Variants in ADARB2 observed in about 807,000 individuals in gnomAD.
The protein encoded by ADARB2 is inactive double-stranded RNA-specific editase B2.
In ADARB2, 25 loss-of-function variants were observed where a neutral mutation model predicts 62.2. The ratio of observed to expected loss-of-function variants is 0.40; its 90% CI spans 0.29 to 0.56. The LOEUF (loss-of-function observed/expected upper bound fraction) is 0.56. Ranked by LOEUF, ADARB2 falls within the 20% of genes least tolerant of loss-of-function variation. The pLI is 0.43. For missense variants in ADARB2, 1,071 were observed against 1,077.4 expected (o/e 0.99, Z 0.08); for synonymous variants, 572 against 500.8 (o/e 1.14, Z -1.90).
In ADARB2 at chr10:1,483,873, G is replaced by A. The variant is rs570030912; in HGVS notation, c.101-104713C>T. Reference sequence around the variant, plus strand: ...ATCCCTCCAGTTTCAAATATGACACGGAAGTAACTTAAATGAAAAATTCCT... The same window carrying A: ...ATCCCTCCAGTTTCAAATATGACACAGAAGTAACTTAAATGAAAAATTCCT... On this transcript the variant is annotated intron_variant, in intron 1 of 9. Coordinates refer to ENST00000381312, the MANE Select transcript of ADARB2 (RefSeq NM_018702.4). Among the ~76,000 whole-genome samples the A allele has an allele frequency of 9.9e-5, 15 of 152,284 alleles. No individual in the cohort carries two copies. In the East Asian group the frequency reaches 1.7e-3, roughly 18 times the overall value.
At chr10:1,487,627 T>G (rs1831560767) in intron 1 of ADARB2, among the ~76,000 whole-genome samples, 1 of 152,140 alleles carries the variant, frequency 6.6e-6, no homozygotes, top group Admixed American at 6.5e-5. Context: ...TCCTAAAGTG[T>G]AGTTGGAATA....
intron 1 of ADARB2, among the ~76,000 whole-genome samples, chr10:1,705,404 C>T (rs71475812): frequency 0.013 from 1,909 of 152,232 alleles, 24 homozygotes; most frequent in Middle Eastern, 0.048. Context: ...CCGGAGAGGA[C>T]GGACTGGGTC....
At chr10:1,691,225 A>T (rs1023680458) in intron 1 of ADARB2, among the ~76,000 whole-genome samples, 2 of 152,158 alleles carry the variant, frequency 1.3e-5, no homozygotes, top group African/African-American at 4.8e-5. Flanking sequence ...TGATCCTGTG[A>T]GGACACAGGG....
chr10:1,446,406 C>G (rs915967807), intron 1 of ADARB2, among the ~76,000 whole-genome samples: 2 of 152,328 alleles, frequency 1.3e-5, no homozygotes, highest in Admixed American at 1.3e-4. Context: ...TTACATGCAC[C>G]TGTTTATTCA....
chr10:1,364,879 T>C (rs1832299455), intron 2 of ADARB2, among the ~76,000 whole-genome samples: 1 of 151,260 alleles, frequency 6.6e-6, no homozygotes, highest in East Asian at 2.0e-4. Context: ...TAATTTTTTT[T>C]TTTTTTTTTT....
chr10:1,736,844 C>T (rs1038157294), intron 1 of ADARB2, among the ~76,000 whole-genome samples: 1 of 152,210 alleles, frequency 6.6e-6, no homozygotes, highest in South Asian at 2.1e-4. Context: ...CGCAGCGTGG[C>T]TGCTCACTGT....
intron 3 of ADARB2, among the ~76,000 whole-genome samples, chr10:1,301,373 C>T (rs1403827048): frequency 6.6e-6 from 1 of 152,108 alleles, no homozygotes; most frequent in Non-Finnish European, 1.5e-5. Context: ...GGATAGCAGC[C>T]TTTGATATGG....
chr10:1,647,533 G>A (rs1399201188), intron 1 of ADARB2, among the ~76,000 whole-genome samples: 2 of 152,064 alleles, frequency 1.3e-5, no homozygotes, highest in African/African-American at 2.4e-5. Flanking sequence ...ATGCATGTGT[G>A]TTTATGTGAG....
intron 1 of ADARB2, among the ~76,000 whole-genome samples, chr10:1,402,204 G>T (rs773780123): frequency 8.5e-5 from 13 of 152,196 alleles, no homozygotes. Context: ...CAGGATGAGG[G>T]GTAGGGAAGG....
intron 1 of ADARB2, among the ~76,000 whole-genome samples, chr10:1,646,167 G>A (rs866592287): frequency 1.3e-5 from 2 of 149,292 alleles, no homozygotes; most frequent in African/African-American, 5.0e-5. Flanking sequence ...ATTTCCATTA[G>A]GACACACCCA....
At chr10:1,682,196 A>C (rs1220631457) in intron 1 of ADARB2, among the ~76,000 whole-genome samples, 1 of 152,214 alleles carries the variant, frequency 6.6e-6, no homozygotes, top group African/African-American at 2.4e-5. Context: ...ATGGAAGAAC[A>C]TGGAGGAATA....
intron 1 of ADARB2, among the ~76,000 whole-genome samples, chr10:1,562,809 G>T (rs1036169149): frequency 1.5e-4 from 23 of 152,250 alleles, no homozygotes; most frequent in Admixed American, 1.1e-3. Flanking sequence ...CCTTGCAGGG[G>T]TGTGGGGAGG....
chr10:1,209,459 A>AGCCTGGC (rs1837116328), intron 7 of ADARB2, among the ~76,000 whole-genome samples: 1 of 144,662 alleles, frequency 6.9e-6, no homozygotes, highest in African/African-American at 2.6e-5. Flanking sequence ...CCACACCCAC[A>AGCCTGGC]CCATCACCCA....
chr10:1,676,810 T>C lies in ADARB2; in HGVS notation c.100+60241A>G, dbSNP rs575039937. ...ATTTTTTTTAAGATGGAAAGAGTGT[T>C]TCAAGGAAGTGAAGTGATGGTCACA... is the stretch of plus-strand genomic sequence containing the variant. On this transcript the variant is annotated intron_variant, in intron 1 of 9. Transcript: ENST00000381312. Among the ~76,000 whole-genome samples the C allele has an allele frequency of 5.4e-3, 820 of 151,874 alleles. 5 individuals are homozygous for C. Among genetic ancestry groups the C allele is most frequent in the Non-Finnish European group, 8.1e-3 (548 of 67,904 alleles).
chr10:1,708,785 C>T (rs986599035), intron 1 of ADARB2, among the ~76,000 whole-genome samples: 2 of 152,214 alleles, frequency 1.3e-5, no homozygotes, highest in East Asian at 1.9e-4. Context: ...GCACACACCA[C>T]GTCACCATCA....
chr10:1,465,251 C>T lies in ADARB2; in HGVS notation c.101-86091G>A, dbSNP rs369449136. Among the ~76,000 whole-genome samples the T allele has an allele frequency of 2.2e-4, 34 of 152,204 alleles. 1 individual carries two copies. The East Asian group carries it at 6.4e-3, about 29-fold the overall frequency. ...GAACAGGAATGGGCCACAGAGGGTG[C>T]GAGAGGGTTCCAGGTGGTGGACCTA... is the stretch of plus-strand genomic sequence containing the variant. On this transcript the variant is annotated intron_variant, in intron 1 of 9. Coordinates refer to ENST00000381312, the MANE Select transcript of ADARB2 (RefSeq NM_018702.4).
At chr10:1,224,321 C>G (rs1459318492) in intron 6 of ADARB2, among the ~76,000 whole-genome samples, 1 of 152,080 alleles carries the variant, frequency 6.6e-6, no homozygotes, top group Non-Finnish European at 1.5e-5. Context: ...CTCTTTTCTT[C>G]TTTATTAGTC....
chr10:1,454,558 A>G (rs1171252006), intron 1 of ADARB2, among the ~76,000 whole-genome samples: 5 of 152,306 alleles, frequency 3.3e-5, no homozygotes, highest in Admixed American at 1.3e-4. Flanking sequence ...ACCATCTACA[A>G]TGGAAACTAA....
chr10:1,652,969 T>C (rs567444865), intron 1 of ADARB2, among the ~76,000 whole-genome samples: 2 of 152,312 alleles, frequency 1.3e-5, no homozygotes, highest in East Asian at 1.9e-4. Flanking sequence ...CTCCCTGAGA[T>C]GCCAAGCCCC....
Sources: allele counts gnomAD v4.1 joint callset (sites outside exome capture counted in the v4.1 genomes callset), GRCh38; gene constraint gnomAD v4.1.1; transcripts MANE v1.5; gene names NCBI Gene and HGNC (gene_info 2026-07-23, HGNC 2026-07-21).